Variants in PACRG observed in about 807,000 individuals in gnomAD.
PACRG encodes parkin coregulated gene protein.
PACRG carries 29 observed loss-of-function variants against 29.7 expected under a neutral mutation model. That is an observed-to-expected ratio of 0.98 (90% CI 0.73 to 1.33). PACRG has a LOEUF of 1.33. PACRG is among the 40% of genes most tolerant of loss of function. PACRG has a pLI of 0.00. For missense variants in PACRG, 279 were observed against 316.2 expected, an observed-to-expected ratio of 0.88 and a Z score of 0.89; for synonymous variants, 116 against 118.7, an observed-to-expected ratio of 0.98 and a Z score of 0.15.
rs1816396217 is a variant in PACRG at position 163,123,659 on chromosome 6, GC to G, written c.613+34256del. Among the ~76,000 whole-genome samples the G allele has an allele frequency of 2.6e-5, 4 of 152,258 alleles. No individual in the cohort carries two copies. The South Asian group carries it at 8.3e-4, about 32-fold the overall frequency. ...TCCATTGAACAGCAACTCTGCATAT[GC>G]CCCCTCTCCATCCGCTAGTAACCAG... On this transcript the variant is annotated intron_variant, in intron 4 of 4. Coordinates refer to ENST00000366888, the MANE Select transcript of PACRG (RefSeq NM_001080379.2).
At chr6:162,899,459 T>TC (rs1795400164) in intron 2 of PACRG, among the ~76,000 whole-genome samples, 1 of 152,110 alleles carries the variant, frequency 6.6e-6, no homozygotes, top group South Asian at 2.1e-4. Flanking sequence ...TTGCAAGATC[T>TC]CCAAGCCCGT....
chr6:163,287,789 A>T (rs1260955947), intron 4 of PACRG, among the ~76,000 whole-genome samples: 1 of 152,132 alleles, frequency 6.6e-6, no homozygotes, highest in Admixed American at 6.5e-5. Context: ...TGTTGCTCTG[A>T]GTGTGGCGTG....
intron 4 of PACRG, among the ~76,000 whole-genome samples, chr6:163,243,111 T>G (rs1782562834): frequency 6.6e-6 from 1 of 152,264 alleles, no homozygotes. Flanking sequence ...TTTCTGCCTG[T>G]AAGCAAGGCG....
At chr6:162,757,528 T>A (rs1190344899) in intron 1 of PACRG, among the ~76,000 whole-genome samples, 2 of 151,976 alleles carry the variant, frequency 1.3e-5, no homozygotes, top group Non-Finnish European at 2.9e-5. Flanking sequence ...ACTAACACAG[T>A]GAAACCCTGT....
chr6:163,115,430 T>G (rs1332633670), intron 4 of PACRG, among the ~76,000 whole-genome samples: 1 of 152,154 alleles, frequency 6.6e-6, no homozygotes, highest in African/African-American at 2.4e-5. Flanking sequence ...GTTTCTTACT[T>G]AATCAGAAAA....
In PACRG at chr6:163,314,974, G is replaced by T. The variant is rs1287467448; in HGVS notation, c.761G>T (p.Cys254Phe). 2 of 1,613,392 alleles carry T rather than the reference G, an allele frequency of 1.2e-6. No homozygotes were observed. Among genetic ancestry groups the T allele is most frequent in the Non-Finnish European group, 1.7e-6 (2 of 1,179,756 alleles). Residue 254 changes from cysteine (C) to phenylalanine (F), a missense_variant, in exon 5 of 5, where the codon TGC becomes TTC. Physicochemically the swap from Cys to Phe is radical, Grantham distance 205 (BLOSUM62 -2). Transcript: ENST00000366888. ...TACGTGGTCCCAACCTACGAGTCTT[G>T]CTTGCTAAACTAACAGTGGCAGCAG... ...IKYVVPTYES[C>F]LLN
intron 2 of PACRG, among the ~76,000 whole-genome samples, chr6:162,997,216 G>A (rs1012614970): frequency 2.6e-5 from 4 of 152,112 alleles, no homozygotes; most frequent in African/African-American, 9.7e-5. Context: ...AAAATATAGA[G>A]CAAATCTACA....
At chr6:163,050,865 G>T (rs1943889924) in intron 2 of PACRG, among the ~76,000 whole-genome samples, 2 of 152,118 alleles carry the variant, frequency 1.3e-5, no homozygotes, top group African/African-American at 4.8e-5. Context: ...GTCTAGATCT[G>T]CATTTTCCCT....
chr6:163,096,471 TG>T (rs1814599782), intron 4 of PACRG, among the ~76,000 whole-genome samples: 1 of 152,230 alleles, frequency 6.6e-6, no homozygotes, highest in African/African-American at 2.4e-5. Context: ...GGACAAAGCA[TG>T]CAGCTGCCGA....
chr6:162,834,922 A>G lies in PACRG; in HGVS notation c.291+20641A>G, dbSNP rs1335674545. Among the ~76,000 whole-genome samples the G allele has an allele frequency of 2.6e-5, 4 of 152,092 alleles. No individual in the cohort carries two copies. In the East Asian group the frequency reaches 7.7e-4, roughly 29 times the overall value. ...GGGGTTTTCCTGATTTACGTAAACT[A>G]TTAAATCCCCTTTATTTTGGCATAT... On this transcript the variant is annotated intron_variant, in intron 2 of 4. Transcript: ENST00000366888.
chr6:162,829,303 T>A (rs1410352657), intron 2 of PACRG, among the ~76,000 whole-genome samples: 1 of 152,246 alleles, frequency 6.6e-6, no homozygotes, highest in Non-Finnish European at 1.5e-5. Flanking sequence ...GAGTCACAGC[T>A]CATGAACTTT....
At chr6:162,859,743 A>C (rs1393906147) in intron 2 of PACRG, among the ~76,000 whole-genome samples, 3 of 152,220 alleles carry the variant, frequency 2.0e-5, no homozygotes, top group Non-Finnish European at 2.9e-5. Flanking sequence ...CCCTCAGTTT[A>C]GTACATTAGG....
chr6:163,301,460 G>C (rs1280072068), intron 4 of PACRG, among the ~76,000 whole-genome samples: 1 of 152,178 alleles, frequency 6.6e-6, no homozygotes, highest in Non-Finnish European at 1.5e-5. Flanking sequence ...TAAGCAGGGT[G>C]CAAGGTACCA....
chr6:163,162,923 G>T (rs1369485865), intron 4 of PACRG, among the ~76,000 whole-genome samples: 1 of 152,000 alleles, frequency 6.6e-6, no homozygotes, highest in Non-Finnish European at 1.5e-5. Flanking sequence ...GGTTGTCAAG[G>T]GCAGCACAGA....
At chr6:163,173,605 C>G (rs1452483819) in intron 4 of PACRG, among the ~76,000 whole-genome samples, 2 of 152,186 alleles carry the variant, frequency 1.3e-5, no homozygotes, top group East Asian at 3.9e-4. Flanking sequence ...GAATCACGCT[C>G]TCCGCTCTCC....
In PACRG at chr6:162,986,735, T is replaced by C. The variant is rs183785836; in HGVS notation, c.292-75415T>C. Among the ~76,000 whole-genome samples, 203 of 152,308 alleles carry C rather than the reference T, an allele frequency of 1.3e-3. 1 individual carries two copies. Among genetic ancestry groups the C allele is most frequent in the African/African-American group, 4.6e-3 (192 of 41,582 alleles). On this transcript the variant is annotated intron_variant, in intron 2 of 4. Transcript: ENST00000366888. ...AGGACTTTATTTTTTGTCTTTGTTT[T>C]TGTCTGATTGGATTAATTCGAAAGC...
At chr6:163,306,966 C>G (rs1287616821) in intron 4 of PACRG, among the ~76,000 whole-genome samples, 1 of 152,162 alleles carries the variant, frequency 6.6e-6, no homozygotes, top group African/African-American at 2.4e-5. Flanking sequence ...AGTTAAATAG[C>G]TAGTGAGTTA....
At chr6:163,192,269 G>C (rs1328080462) in intron 4 of PACRG, among the ~76,000 whole-genome samples, 1 of 152,194 alleles carries the variant, frequency 6.6e-6, no homozygotes, top group Non-Finnish European at 1.5e-5. Context: ...TTTTTGCAAA[G>C]AATGCAAGGA....
intron 4 of PACRG, among the ~76,000 whole-genome samples, chr6:163,263,059 T>C (rs1783392541): frequency 6.7e-6 from 1 of 149,354 alleles, no homozygotes; most frequent in African/African-American, 2.5e-5. Context: ...TCAAAAATAA[T>C]AGTAATATAT....
Sources: allele counts gnomAD v4.1 joint callset (sites outside exome capture counted in the v4.1 genomes callset), GRCh38; gene constraint gnomAD v4.1.1; transcripts MANE v1.5; gene names NCBI Gene and HGNC (gene_info 2026-07-23, HGNC 2026-07-21).